MVB12A: variants seen among roughly 807,000 people sequenced by gnomAD.
MVB12A encodes CIN85/CD2AP family binding protein.
In MVB12A, 30 loss-of-function variants were observed where a neutral mutation model predicts 34.3. That is an observed-to-expected ratio of 0.88 (90% CI 0.65 to 1.19). The LOEUF (loss-of-function observed/expected upper bound fraction) is 1.19. Among genes scored for constraint, MVB12A ranks in the 50% most tolerant of loss-of-function variants. The pLI is 0.00. For synonymous variants in MVB12A, 158 were observed against 158.9 expected (o/e 0.99, Z 0.04); for missense variants, 355 against 369.2 (o/e 0.96, Z 0.31).
At chr19:17,418,367 T>TA (rs1030949599), upstream of MVB12A, 2 of 119,552 alleles carry the variant, frequency 1.7e-5, no homozygotes, top group Non-Finnish European at 3.5e-5. Flanking sequence ...CCAATGGGTG[T>TA]AAAAAAGCAT....
upstream of MVB12A, chr19:17,419,639 G>C (rs879913377): frequency 2.6e-5 from 4 of 152,538 alleles, no homozygotes; most frequent in Non-Finnish European, 5.9e-5. Flanking sequence ...GGCCAGGAGG[G>C]TCTCGATCTC....
At position 17,422,442 on chromosome 19, in the gene MVB12A, G is replaced by A. The variant is rs1365238731; in HGVS notation, c.397G>A (p.Gly133Arg). 4 of 1,612,482 alleles carry A rather than the reference G, an allele frequency of 2.5e-6. No homozygotes were observed. The highest frequency in any genetic ancestry group is 4.5e-5 in the East Asian group (2 of 44,798). The change falls in exon 4 of 9, where the codon GGA becomes AGA. Residue 133 changes from glycine to arginine, a missense_variant. By Grantham distance (125) the Gly-to-Arg change is moderately radical. Transcript: ENST00000317040. Reference sequence around the variant, plus strand: ...GAGTGGGAAGACCAAGACAGTGCCTGGATACCTTCGAATAGGGTAGGGCCA... The same window carrying A: ...GAGTGGGAAGACCAAGACAGTGCCTAGATACCTTCGAATAGGGTAGGGCCA... ...RLSGKTKTVP[G>R]YLRIGDMGGF...
In MVB12A at chr19:17,421,149, G is replaced by A. The variant is rs1297631122; in HGVS notation, c.286+515G>A. On this transcript the variant is annotated intron_variant, in intron 3 of 8. Transcript: ENST00000317040. ...TTTCTTGTCATTTTTATTTGACTCA[G>A]GCTATATTCATTCATACTAGAGTTG... 1.3e-5 allele frequency: 6 copies of A among 444,880 alleles called. No homozygotes were observed. In the Admixed American group the frequency reaches 1.5e-4, roughly 11 times the overall value. 27.6% of individuals were successfully genotyped at this position (444,880 alleles called of 1,614,324 possible). A position where few individuals can be genotyped will look rare whatever the true frequency, so the allele number is the denominator to read the frequency against.
chr19:17,423,604 G>A lies in MVB12A; in HGVS notation c.520G>A (p.Ala174Thr). The A allele has an allele frequency of 6.2e-7, 1 of 1,613,984 alleles. No individual in the cohort carries two copies. The highest frequency in any genetic ancestry group is 8.5e-7 in the Non-Finnish European group (1 of 1,179,998). Residue 174 changes from alanine to threonine, a missense_variant, in exon 5 of 9, where the codon GCC becomes ACC. Coordinates refer to ENST00000317040, the MANE Select transcript of MVB12A (RefSeq NM_138401.4). Reference sequence around the variant, plus strand: ...CATGCAGGGCCTCTCTCTGGATGCAGCCAGCCAGCCAAGGTGAGTCCTCAG... The same window carrying A: ...CATGCAGGGCCTCTCTCTGGATGCAACCAGCCAGCCAAGGTGAGTCCTCAG... ...RDMQGLSLDAASQPSKGGLLE... is the reference protein window; with the variant it reads ...RDMQGLSLDATSQPSKGGLLE...
rs1338313460 is a variant in MVB12A, at chr19:17,420,325, G to A, written c.103G>A (p.Val35Ile). The change falls in exon 2 of 9, where the codon GTC (valine) becomes ATC (isoleucine). Residue 35 changes from valine (V) to isoleucine (I), a missense_variant. Transcript: ENST00000317040. ...PRGFSAISCT[V>I]EGAPASFGKS... ...GTCCTCCCGGTAGATCTCCTGCACC[G>A]TCGAGGGGGCACCCGCCAGCTTTGG... 1.9e-6 allele frequency: 3 copies of A among 1,611,918 alleles called. No individual in the cohort carries two copies. Among genetic ancestry groups the A allele is most frequent in the Middle Eastern group, 1.7e-4 (1 of 6,030 alleles).
chr19:17,420,307 C>G lies in MVB12A; in HGVS notation c.91-6C>G. 1 of 1,590,922 alleles carries G rather than the reference C, an allele frequency of 6.3e-7. No homozygotes were observed. Among genetic ancestry groups the G allele is most frequent in the Non-Finnish European group, 8.6e-7 (1 of 1,168,282 alleles). On this transcript the variant is annotated splice_region_variant and splice_polypyrimidine_tract_variant and intron_variant, in intron 1 of 8. Transcript: ENST00000317040. ...AGTCCGGCGCTGACCCGCGTCCTCC[C>G]GGTAGATCTCCTGCACCGTCGAGGG...
chr19:17,410,894 C>T (rs2074764821), intron 2 of MVB12A, among the ~76,000 whole-genome samples: 1 of 128,062 alleles, frequency 7.8e-6, no homozygotes, highest in Admixed American at 8.6e-5. Context: ...CGCCACTGCA[C>T]TTCAGCCTGG....
chr19:17,422,266 G>A, intron 3 of MVB12A, 66 bp from the exon 4 acceptor site: 1 of 1,532,782 alleles, frequency 6.5e-7, no homozygotes, highest in Non-Finnish European at 8.9e-7. Flanking sequence ...TCATCCTAGA[G>A]TCATCTTTGG....
chr19:17,420,429 T>G lies in MVB12A; in HGVS notation c.189+18T>G. On this transcript the variant is annotated intron_variant, in intron 2 of 8. Transcript: ENST00000317040. ...GCCTAGAGGTAAGAGGTGCCCACCT[T>G]CGGAACCACCAGGGTCTGCCCACCT... is the stretch of plus-strand genomic sequence containing the variant. 3.7e-6 allele frequency: 6 copies of G among 1,612,184 alleles called. No homozygotes were observed. Among genetic ancestry groups the G allele is most frequent in the Non-Finnish European group, 5.1e-6 (6 of 1,178,340 alleles).
chr19:17,410,579 T>TATATATAC (rs1568387483), intron 2 of MVB12A, among the ~76,000 whole-genome samples: 1 of 125,734 alleles, frequency 8.0e-6, no homozygotes, highest in African/African-American at 3.6e-5. Context: ...TATATATACA[T>TATATATAC]ATATATATAC....
intron 3 of MVB12A, 76 bp downstream of exon 3, chr19:17,420,710 G>A (rs1054774662): frequency 3.1e-5 from 33 of 1,071,960 alleles, no homozygotes; most frequent in African/African-American, 1.2e-4. Context: ...CGACGGGCGC[G>A]CGGTATCTGA....
At chr19:17,423,473 C>T in intron 4 of MVB12A, 25 bp from the exon 5 acceptor site, 2 of 1,608,270 alleles carry the variant, frequency 1.2e-6, no homozygotes, top group African/African-American at 1.3e-5. Flanking sequence ...GGCCAGCATC[C>T]CTCCCACCTT....
rs1317298658 is a variant in MVB12A, at chr19:17,422,640, T to C, written c.413+182T>C. 3 of 504,140 alleles carry C rather than the reference T, an allele frequency of 6.0e-6. No homozygotes were observed. The South Asian group carries it at 1.3e-4, about 23-fold the overall frequency. The allele number at this position is 504,140 out of a possible 1,614,324, so 31.2% of individuals were successfully genotyped here. A position where few individuals can be genotyped will look rare whatever the true frequency, so the allele number is the denominator to read the frequency against. On this transcript the variant is annotated intron_variant, in intron 4 of 8. Transcript: ENST00000317040. ...TTGTAGGACTGTCATTAGGAGTCAG[T>C]GACTTGGTGTCTAAAGTAGACATAA...
At chr19:17,416,359 C>T (rs2074799584), upstream of MVB12A, among the ~76,000 whole-genome samples, 1 of 151,136 alleles carries the variant, frequency 6.6e-6, no homozygotes. Flanking sequence ...ATCCACCCAC[C>T]TCAGCCTCCC....
chr19:17,423,807 C>T lies in MVB12A; in HGVS notation c.640+8C>T. Reference sequence around the variant, plus strand: ...GCCTCTATGGCATCTCAGGTGAGCACAGAGTGGGGAAACTGAGGCGTGGAA... The same window carrying T: ...GCCTCTATGGCATCTCAGGTGAGCATAGAGTGGGGAAACTGAGGCGTGGAA... On this transcript the variant is annotated splice_region_variant and intron_variant, in intron 6 of 8. Transcript: ENST00000317040. 2 of 1,612,586 alleles carry T rather than the reference C, an allele frequency of 1.2e-6. No individual in the cohort carries two copies. Among genetic ancestry groups the T allele is most frequent in the Non-Finnish European group, 1.7e-6 (2 of 1,178,758 alleles).
At position 17,423,840 on chromosome 19, in the gene MVB12A, G is replaced by A. The variant is rs367577742; in HGVS notation, c.640+41G>A. On this transcript the variant is annotated intron_variant, in intron 6 of 8. Coordinates refer to ENST00000317040, the MANE Select transcript of MVB12A (RefSeq NM_138401.4). ...GGAAACTGAGGCGTGGAAGTGGAGGGTGTGACTGTCTTGAGATTACACAAC... is the reference window on the plus strand; with the variant it reads ...GGAAACTGAGGCGTGGAAGTGGAGGATGTGACTGTCTTGAGATTACACAAC... 4 of 1,596,404 alleles carry A rather than the reference G, an allele frequency of 2.5e-6. No individual in the cohort carries two copies. In the African/African-American group the frequency reaches 4.0e-5, roughly 16 times the overall value.
At position 17,423,543 on chromosome 19, in the gene MVB12A, G is replaced by C. The variant is rs755958700; in HGVS notation, c.459G>C (p.Pro153=). ...FAIWCKKAKA[P]RPVPKPRGLS... The stretch of plus-strand genomic sequence containing the variant: ...TCTGGTGCAAGAAGGCCAAGGCCCC[G>C]AGGCCAGTGCCCAAGCCCCGAGGTC... The change falls in exon 5 of 9, where the codon CCG becomes CCC. Residue 153 remains proline (P), a synonymous_variant. Transcript: ENST00000317040. 1 of 1,613,862 alleles carries C rather than the reference G, an allele frequency of 6.2e-7. No individual in the cohort carries two copies. The highest frequency in any genetic ancestry group is 1.1e-5 in the South Asian group (1 of 91,070).
chr19:17,420,229 A>G lies in MVB12A; in HGVS notation c.90+4A>G. On this transcript the variant is annotated splice_donor_region_variant and intron_variant, in intron 1 of 8. Coordinates refer to ENST00000317040, the MANE Select transcript of MVB12A (RefSeq NM_138401.4). ...CCCGCCGCGGGGGTTCAGCGCGGTGAGCGGCGTCGAGGGGCGGGGGTCGAA... is the reference window on the plus strand; with the variant it reads ...CCCGCCGCGGGGGTTCAGCGCGGTGGGCGGCGTCGAGGGGCGGGGGTCGAA... 2.7e-6 allele frequency: 4 copies of G among 1,495,344 alleles called. No homozygotes were observed. The highest frequency in any genetic ancestry group is 3.5e-6 in the Non-Finnish European group (4 of 1,128,204). 92.6% of individuals were successfully genotyped at this position (1,495,344 alleles called of 1,614,324 possible). A position where few individuals can be genotyped will look rare whatever the true frequency, so the allele number is the denominator to read the frequency against.
At position 17,425,198 on chromosome 19, in the gene MVB12A, C is replaced by G. The variant is rs752072391; in HGVS notation, c.*205C>G. On this transcript the variant is annotated 3_prime_UTR_variant, in exon 9 of 9. Coordinates refer to ENST00000317040, the MANE Select transcript of MVB12A (RefSeq NM_138401.4). ...TCGAGGCTGCGTGGTGATGGGGTCT[C>G]CGCCCCCACGCCCTGCCGGGCAGGG... The G allele has an allele frequency of 9.3e-6, 5 of 535,530 alleles. No individual in the cohort carries two copies. The highest frequency in any genetic ancestry group is 6.6e-5 in the East Asian group (2 of 30,470). 33.2% of individuals were successfully genotyped at this position (535,530 alleles called of 1,614,324 possible).
Sources: allele counts gnomAD v4.1 joint callset (sites outside exome capture counted in the v4.1 genomes callset), GRCh38; gene constraint gnomAD v4.1.1; transcripts MANE v1.5; gene names NCBI Gene and HGNC (gene_info 2026-07-23, HGNC 2026-07-21).